Variants in IARS1 observed in about 807,000 individuals in gnomAD.
IARS1 encodes isoleucyl-tRNA synthetase 1, also known as isoleucine--tRNA ligase, cytoplasmic.
Under a neutral mutation model 168.2 loss-of-function variants are expected in IARS1, and 124 were observed. The ratio of observed to expected loss-of-function variants is 0.74; its 90% CI spans 0.64 to 0.86. The LOEUF (loss-of-function observed/expected upper bound fraction) is 0.86, where lower values mean the gene tolerates loss of function less well. IARS1 is among the 40% of genes least tolerant of loss of function. IARS1 has a pLI of 0.00. For missense variants in IARS1, 1,452 were observed against 1,515.8 expected (o/e 0.96, Z 0.70); for synonymous variants, 532 against 529.4 (o/e 1.00, Z -0.07).
chr9:92,270,285 C>A (rs545840569), intron 12 of IARS1, among the ~76,000 whole-genome samples: 1 of 152,314 alleles, frequency 6.6e-6, no homozygotes, highest in South Asian at 2.1e-4. Flanking sequence ...GGAAACCAAA[C>A]ACGATGCAAC....
chr9:92,265,628 G>T lies in IARS1; in HGVS notation c.1432-75C>A, dbSNP rs1012662057. On this transcript the variant is annotated intron_variant, in intron 14 of 33. Coordinates refer to ENST00000443024, the MANE Select transcript of IARS1 (RefSeq NM_002161.6). The stretch of plus-strand genomic sequence containing the variant: ...CATACTGAGTTAATTTATATAGCAT[G>T]CATGTTTACTTTGAGAGACTGATGA... 9 of 1,107,156 alleles carry T rather than the reference G, an allele frequency of 8.1e-6. No homozygotes were observed. In the Admixed American group the frequency reaches 1.2e-4, roughly 15 times the overall value. 68.6% of individuals were successfully genotyped at this position (1,107,156 alleles called of 1,614,324 possible). A position where few individuals can be genotyped will look rare whatever the true frequency, so the allele number is the denominator to read the frequency against.
chr9:92,252,799 A>G (rs1385355064), intron 21 of IARS1, among the ~76,000 whole-genome samples: 1 of 134,696 alleles, frequency 7.4e-6, no homozygotes, highest in Non-Finnish European at 1.7e-5. Context: ...AAAAAAAAAG[A>G]CATGACTAAT....
intron 30 of IARS1, 143 bp from the exon 31 acceptor site, chr9:92,229,269 A>G (rs1336489169): frequency 4.6e-6 from 3 of 655,252 alleles, no homozygotes; most frequent in Non-Finnish European, 7.6e-6. Flanking sequence ...ATATGTGTAT[A>G]TATAGCTTAT....
chr9:92,261,758 T>C lies in IARS1; in HGVS notation c.1787+1211A>G, dbSNP rs545840532. Among the ~76,000 whole-genome samples, 929 of 145,134 alleles carry C rather than the reference T, an allele frequency of 6.4e-3. 13 individuals carry two copies. Among genetic ancestry groups the C allele is most frequent in the African/African-American group, 0.022 (859 of 39,912 alleles). ...CAATGATCTCAATACAATTTCCCCC[T>C]TTTTTTTTTTGAGATGGAGCCTCAC... is the stretch of plus-strand genomic sequence containing the variant. On this transcript the variant is annotated intron_variant, in intron 17 of 33. Coordinates refer to ENST00000443024, the MANE Select transcript of IARS1 (RefSeq NM_002161.6).
Position 92,229,053 on chromosome 9 carries a change from A to G in IARS1, c.3357T>C (p.Thr1119=), listed in dbSNP as rs1826208717. The G allele has an allele frequency of 1.2e-6, 2 of 1,614,130 alleles. No homozygotes were observed. The highest frequency in any genetic ancestry group is 1.7e-6 in the Non-Finnish European group (2 of 1,179,986). The change falls in exon 31 of 34, where the codon ACT becomes ACC. Residue 1119 remains threonine, a synonymous_variant. Coordinates refer to ENST00000443024, the MANE Select transcript of IARS1 (RefSeq NM_002161.6). ...LDLLKLKSVV[T]SIFGVKNTEL... ...CTGTATTTTTCACACCAAAAATGCTAGTGACAACACTCTTCAGCTTTAAAA... is the reference window on the plus strand; with the variant it reads ...CTGTATTTTTCACACCAAAAATGCTGGTGACAACACTCTTCAGCTTTAAAA...
intron 9 of IARS1, among the ~76,000 whole-genome samples, chr9:92,276,580 G>A (rs1246006530): frequency 2.0e-5 from 3 of 152,140 alleles, no homozygotes; most frequent in African/African-American, 7.2e-5. Context: ...GAAAAGGCAG[G>A]TAACAGACAC....
chr9:92,278,274 C>T lies in IARS1; in HGVS notation c.758G>A (p.Gly253Glu). Residue 253 changes from glycine (G) to glutamate (E), a missense_variant, in exon 8 of 34, where the codon GGA (glycine) becomes GAA (glutamate). Physicochemically the swap from Gly to Glu is moderately conservative, Grantham distance 98 (BLOSUM62 -2). Coordinates refer to ENST00000443024, the MANE Select transcript of IARS1 (RefSeq NM_002161.6). ...GGCTTCCATTAAAATGAGTAATCGT[C>T]CTCTGGCAACATCTACGAGAAAAAG... is the stretch of plus-strand genomic sequence containing the variant. ...QYVKIKDVARGRLLILMEARL... is the reference protein window; with the variant it reads ...QYVKIKDVARERLLILMEARL... 1 of 1,610,736 alleles carries T rather than the reference C, an allele frequency of 6.2e-7. No homozygotes were observed. Among genetic ancestry groups the T allele is most frequent in the Non-Finnish European group, 8.5e-7 (1 of 1,176,988 alleles).
chr9:92,293,618 G>T lies in IARS1; in HGVS notation c.-15C>A. On this transcript the variant is annotated 5_prime_UTR_variant, in exon 1 of 34. Transcript: ENST00000443024. ...AGGGAAGAGAGGGCGTACCTGAGGGGCCTCGCGTGCCTGGACAGCCCCGCG... is the reference window on the plus strand; with the variant it reads ...AGGGAAGAGAGGGCGTACCTGAGGGTCCTCGCGTGCCTGGACAGCCCCGCG... 5.8e-6 allele frequency: 2 copies of T among 344,340 alleles called. No homozygotes were observed. Among genetic ancestry groups the T allele is most frequent in the Non-Finnish European group, 1.2e-5 (2 of 164,526 alleles). The allele number at this position is 344,340 out of a possible 1,614,324, so 21.3% of individuals were successfully genotyped here. A position where few individuals can be genotyped will look rare whatever the true frequency, so the allele number is the denominator to read the frequency against.
intron 6 of IARS1, among the ~76,000 whole-genome samples, chr9:92,285,113 T>A (rs1274174541): frequency 6.6e-6 from 1 of 152,168 alleles, no homozygotes. Flanking sequence ...GAGGGTCAGA[T>A]AAACTCTCAA....
rs76341861 is a variant in IARS1, at chr9:92,269,609, T to C, written c.1304+276A>G. On this transcript the variant is annotated intron_variant, in intron 13 of 33. Coordinates refer to ENST00000443024, the MANE Select transcript of IARS1 (RefSeq NM_002161.6). ...GTACAGCCATATTTTTCCAAGGTCA[T>C]TTCATTCCCTAAATCGAATAAATGG... Among the ~76,000 whole-genome samples, 19 of 152,336 alleles carry C rather than the reference T, an allele frequency of 1.2e-4. No individual in the cohort carries two copies. The East Asian group carries it at 3.5e-3, about 28-fold the overall frequency.
chr9:92,288,402 C>T, intron 2 of IARS1, 120 bp from the exon 3 acceptor site: 1 of 798,328 alleles, frequency 1.3e-6, no homozygotes, highest in East Asian at 2.7e-5. Flanking sequence ...GATCAGGAAA[C>T]CGACAGACAT....
At chr9:92,235,086 C>T (rs1446151306) in intron 30 of IARS1, among the ~76,000 whole-genome samples, 1 of 152,174 alleles carries the variant, frequency 6.6e-6, no homozygotes, top group Non-Finnish European at 1.5e-5. Flanking sequence ...ATCTGCCTGC[C>T]TTAGCTCCCA....
intron 33 of IARS1, among the ~76,000 whole-genome samples, chr9:92,212,781 G>T (rs1185242903): frequency 6.6e-6 from 1 of 152,216 alleles, no homozygotes; most frequent in African/African-American, 2.4e-5. Flanking sequence ...TTGATAGAGT[G>T]AAAGACTCAT....
chr9:92,216,701 T>C (rs1438003704), intron 33 of IARS1, among the ~76,000 whole-genome samples: 4 of 123,770 alleles, frequency 3.2e-5, no homozygotes, highest in Non-Finnish European at 5.1e-5. Flanking sequence ...GGTAAAGGGA[T>C]CAATTCAACA....
intron 33 of IARS1, among the ~76,000 whole-genome samples, chr9:92,215,716 T>C (rs2133335512): frequency 6.6e-6 from 1 of 151,656 alleles, no homozygotes; most frequent in South Asian, 2.1e-4. Flanking sequence ...AAGGGAAGTT[T>C]AGAGAAAAAA....
intron 18 of IARS1, 95 bp from the exon 19 acceptor site, chr9:92,259,093 C>A: frequency 1.8e-6 from 2 of 1,142,184 alleles, no homozygotes; most frequent in South Asian, 1.7e-5. Flanking sequence ...GAAAATCAGT[C>A]CTATTTTCTA....
chr9:92,286,649 G>A lies in IARS1; in HGVS notation c.397-31C>T, dbSNP rs759905392. 9 of 1,145,262 alleles carry A rather than the reference G, an allele frequency of 7.9e-6. No individual in the cohort carries two copies. The South Asian group carries it at 1.1e-4, about 14-fold the overall frequency. The allele number at this position is 1,145,262 out of a possible 1,614,324, so 70.9% of individuals were successfully genotyped here. ...AAATATTAATATTAGAACAGTATTAGACAATGATATTTATAATTGTACATC... is the reference window on the plus strand; with the variant it reads ...AAATATTAATATTAGAACAGTATTAAACAATGATATTTATAATTGTACATC... On this transcript the variant is annotated intron_variant, in intron 4 of 33. Transcript: ENST00000443024.
chr9:92,223,592 G>T, intron 31 of IARS1, 103 bp from the exon 32 acceptor site: 1 of 884,238 alleles, frequency 1.1e-6, no homozygotes, highest in Non-Finnish European at 1.7e-6. Context: ...TTACGATAAT[G>T]CTTTCCACTT....
rs1405628556 is a variant in IARS1, at chr9:92,228,992, T to G, written c.3409+9A>C. The G allele has an allele frequency of 6.2e-7, 1 of 1,613,826 alleles. No homozygotes were observed. The highest frequency in any genetic ancestry group is 8.5e-7 in the Non-Finnish European group (1 of 1,179,990). On this transcript the variant is annotated intron_variant, in intron 31 of 33. Transcript: ENST00000443024. Reference sequence around the variant, plus strand: ...CAAAGGACGTAGGCTCCTCTCACTTTCCACATACCTGTTTCATCATGGAAG... The same window carrying G: ...CAAAGGACGTAGGCTCCTCTCACTTGCCACATACCTGTTTCATCATGGAAG...
Sources: allele counts gnomAD v4.1 joint callset (sites outside exome capture counted in the v4.1 genomes callset), GRCh38; gene constraint gnomAD v4.1.1; transcripts MANE v1.5; gene names NCBI Gene and HGNC (gene_info 2026-07-23, HGNC 2026-07-21).